C2CD3: variants seen among roughly 807,000 people sequenced by gnomAD.
The protein encoded by C2CD3 is C2 domain containing 3 centriole elongation regulator.
A neutral mutation model predicts 234.0 loss-of-function variants in C2CD3; 148 were observed. That is an observed-to-expected ratio of 0.63 (90% CI 0.55 to 0.72). The LOEUF (loss-of-function observed/expected upper bound fraction) is 0.72, where lower values mean the gene tolerates loss of function less well. Ranked by LOEUF, C2CD3 falls within the 30% of genes least tolerant of loss-of-function variation. The pLI, the probability that C2CD3 is intolerant of heterozygous loss-of-function variation, is 0.00. For missense variants in C2CD3, 2,577 were observed against 2,811.5 expected, an observed-to-expected ratio of 0.92 and a Z score of 1.89; for synonymous variants, 1,000 against 1,035.4, an observed-to-expected ratio of 0.97 and a Z score of 0.66.
intron 32 of C2CD3, among the ~76,000 whole-genome samples, chr11:74,026,136 C>T (rs937578020): frequency 3.3e-5 from 5 of 152,178 alleles, no homozygotes; most frequent in African/African-American, 1.2e-4. Flanking sequence ...CACAGTGAGA[C>T]CCCGTCTCTA....
chr11:74,110,098 TAAATAAAATA>T (rs922505572), intron 11 of C2CD3, among the ~76,000 whole-genome samples: 1 of 150,832 alleles, frequency 6.6e-6, no homozygotes, highest in Non-Finnish European at 1.5e-5. Context: ...AATAAATAAA[TAAATAAAATA>T]AAATAAAATA....
chr11:74,138,052 T>C (rs2135542818), intron 5 of C2CD3, among the ~76,000 whole-genome samples: 1 of 152,370 alleles, frequency 6.6e-6, no homozygotes, highest in South Asian at 2.1e-4. Flanking sequence ...GAAATTTTAC[T>C]TGTAGGGATG....
intron 3 of C2CD3, among the ~76,000 whole-genome samples, chr11:74,147,799 A>T (rs146199660): frequency 6.6e-6 from 1 of 152,202 alleles, no homozygotes; most frequent in African/African-American, 2.4e-5. Flanking sequence ...GTATTTTTCC[A>T]TGCTGAAACA....
Position 74,048,297 on chromosome 11 carries a change from C to G in C2CD3, c.5403G>C (p.Thr1801=). ...YSPFSFPASD[T]YAAFSSHMAR... is the part of the protein sequence containing the mutation. ...CCATGTGGCTGGAGAATGCAGCATA[C>G]GTATCAGAGGCAGGGAAGGAAAAGG... Residue 1801 remains threonine, a synonymous_variant, in exon 28 of 33, where the codon ACG becomes ACC. Coordinates refer to ENST00000334126, the MANE Select transcript of C2CD3 (RefSeq NM_001286577.2). The G allele has an allele frequency of 1.2e-6, 2 of 1,613,542 alleles. No individual in the cohort carries two copies. Among genetic ancestry groups the G allele is most frequent in the East Asian group, 2.2e-5 (1 of 44,842 alleles).
chr11:74,164,074 C>T (rs1856648461), intron 2 of C2CD3: 1 of 489,930 alleles, frequency 2.0e-6, no homozygotes, highest in South Asian at 9.0e-5. Flanking sequence ...ATTATAAGTC[C>T]ACTACACTTA....
chr11:74,062,702 A>G (rs1360700922), intron 24 of C2CD3, among the ~76,000 whole-genome samples: 4 of 151,906 alleles, frequency 2.6e-5, no homozygotes, highest in Admixed American at 2.6e-4. Context: ...CCCTAACATC[A>G]CAATTAAAAG....
At chr11:74,084,797 A>G in intron 22 of C2CD3, 84 bp downstream of exon 22, 1 of 823,002 alleles carries the variant, frequency 1.2e-6, no homozygotes, top group Non-Finnish European at 2.1e-6. Flanking sequence ...TGAATATCTT[A>G]CATGAGAGAC....
At chr11:74,018,077 CTCTGGGTCTT>C (rs1309805316) in intron 32 of C2CD3, among the ~76,000 whole-genome samples, 14 of 152,214 alleles carry the variant, frequency 9.2e-5, no homozygotes, top group Non-Finnish European at 1.6e-4. Flanking sequence ...CTCTGGGTCT[CTCTGGGTCTT>C]AGCTTCACTG....
intron 29 of C2CD3, 82 bp from the exon 30 acceptor site, chr11:74,037,780 G>T: frequency 1.9e-6 from 2 of 1,075,788 alleles, no homozygotes; most frequent in Non-Finnish European, 2.8e-6. Flanking sequence ...GGACACTACC[G>T]CTTGAGCCAA....
chr11:74,145,661 G>C (rs1855132253), intron 3 of C2CD3, among the ~76,000 whole-genome samples: 1 of 152,072 alleles, frequency 6.6e-6, no homozygotes, highest in Non-Finnish European at 1.5e-5. Context: ...CTAGGTTCCA[G>C]AGTCTTTACA....
At chr11:74,015,671 C>G (rs1951852849) in intron 32 of C2CD3, among the ~76,000 whole-genome samples, 1 of 152,058 alleles carries the variant, frequency 6.6e-6, no homozygotes, top group South Asian at 2.1e-4. Flanking sequence ...CATTTGTTTC[C>G]CCATTTTCTA....
At chr11:74,131,491 G>C (rs908189455) in intron 7 of C2CD3, among the ~76,000 whole-genome samples, 4 of 151,902 alleles carry the variant, frequency 2.6e-5, no homozygotes, top group African/African-American at 9.7e-5. Flanking sequence ...TGCTGGGTTC[G>C]GTTTGCAAGT....
At position 74,034,265 on chromosome 11, in the gene C2CD3, G is replaced by A; in HGVS notation, c.5895C>T (p.Ile1965=). 6.5e-7 allele frequency: 1 copy of A among 1,535,658 alleles called. No homozygotes were observed. Among genetic ancestry groups the A allele is most frequent in the Admixed American group, 2.0e-5 (1 of 50,986 alleles). The stretch of plus-strand genomic sequence containing the variant: ...TCAAAGCTGCTTGCGAATCCCTGGT[G>A]ATAGTCTGCAGATCTGAACAGCAAC... ...VSSLITDLQT[I]TRDSQAALSS... Residue 1965 remains isoleucine (I), a synonymous_variant, in exon 31 of 33, where the codon ATC becomes ATT. Coordinates refer to ENST00000334126, the MANE Select transcript of C2CD3 (RefSeq NM_001286577.2).
intron 24 of C2CD3, among the ~76,000 whole-genome samples, chr11:74,061,925 A>C (rs1429252279): frequency 6.6e-6 from 1 of 152,152 alleles, no homozygotes; most frequent in African/African-American, 2.4e-5. Flanking sequence ...GGGATGGAGG[A>C]AGATCTACCA....
At chr11:74,044,232 TGGATCACAA>T (rs1305118076) in intron 28 of C2CD3, among the ~76,000 whole-genome samples, 1 of 151,932 alleles carries the variant, frequency 6.6e-6, no homozygotes, top group African/African-American at 2.4e-5. Context: ...CCGAGGCAGG[TGGATCACAA>T]GGTCAAGAGA....
In C2CD3 at chr11:74,170,990, T is replaced by C. The variant is rs1857179913; in HGVS notation, c.-198A>G. On this transcript the variant is annotated 5_prime_UTR_variant, in exon 1 of 33. Transcript: ENST00000334126. ...AGAGAAGGCGCCAAGACGCCTTCCCTCCAATACACTACAATACCCAGGACG... is the reference window on the plus strand; with the variant it reads ...AGAGAAGGCGCCAAGACGCCTTCCCCCCAATACACTACAATACCCAGGACG... The C allele has an allele frequency of 7.9e-7, 1 of 1,270,158 alleles. No homozygotes were observed. Among genetic ancestry groups the C allele is most frequent in the Non-Finnish European group, 1.1e-6 (1 of 920,764 alleles). 78.7% of individuals were successfully genotyped at this position (1,270,158 alleles called of 1,614,324 possible). A position where few individuals can be genotyped will look rare whatever the true frequency, so the allele number is the denominator to read the frequency against.
At chr11:74,126,809 T>C (rs902219179) in intron 7 of C2CD3, among the ~76,000 whole-genome samples, 6 of 152,170 alleles carry the variant, frequency 3.9e-5, no homozygotes, top group African/African-American at 1.4e-4. Context: ...AGTATGTTCA[T>C]AAATGTGACC....
intron 3 of C2CD3, among the ~76,000 whole-genome samples, chr11:74,150,905 C>T (rs1050073696): frequency 1.3e-5 from 2 of 151,652 alleles, no homozygotes; most frequent in African/African-American, 2.4e-5. Context: ...CCACAGGAGA[C>T]TTTTTCTTTC....
At position 74,078,459 on chromosome 11, in the gene C2CD3, C is replaced by A; in HGVS notation, c.4259G>T (p.Cys1420Phe). ...GTGGTTGTGGCCAGCAAGCAGCACA[C>A]AATGGATGGGCAGCCACAGCCTTGG... ...STPRLWLPIH[C>F]VLLAGHNHIH... The change falls in exon 23 of 33, where the codon TGT (cysteine) becomes TTT (phenylalanine). Residue 1420 changes from cysteine to phenylalanine, a missense_variant. Coordinates refer to ENST00000334126, the MANE Select transcript of C2CD3 (RefSeq NM_001286577.2). The A allele has an allele frequency of 2.5e-6, 4 of 1,614,218 alleles. No individual in the cohort carries two copies. Among genetic ancestry groups the A allele is most frequent in the Non-Finnish European group, 3.4e-6 (4 of 1,180,034 alleles).
Sources: gnomAD v4.1 joint callset for allele counts (sites outside exome capture counted in the v4.1 genomes callset) on GRCh38, gnomAD v4.1.1 for gene constraint, MANE v1.5 for transcripts, NCBI Gene and HGNC (gene_info 2026-07-23, HGNC 2026-07-21) for gene names.